Variants in PCDHA12 observed in about 807,000 individuals in gnomAD.
The protein encoded by PCDHA12 is protocadherin alpha 12.
Under a neutral mutation model 60.0 loss-of-function variants are expected in PCDHA12, and 44 were observed. That is an observed-to-expected ratio of 0.73 (90% CI 0.58 to 0.94). The LOEUF (loss-of-function observed/expected upper bound fraction) is 0.94. Ranked by LOEUF, PCDHA12 falls within the 40% of genes least tolerant of loss-of-function variation. The pLI, the probability that PCDHA12 is intolerant of heterozygous loss-of-function variation, is 0.00. For synonymous variants in PCDHA12, 569 were observed against 553.0 expected, an observed-to-expected ratio of 1.03 and a Z score of -0.40; for missense variants, 1,276 against 1,239.7, an observed-to-expected ratio of 1.03 and a Z score of -0.44.
chr5:140,960,541 C>T (rs1200507322), intron 1 of PCDHA12, among the ~76,000 whole-genome samples: 1 of 151,924 alleles, frequency 6.6e-6, no homozygotes, highest in Non-Finnish European at 1.5e-5. Context: ...GAAACTGTGG[C>T]CTTCATATAG....
chr5:140,945,526 A>T (rs1466059696), intron 1 of PCDHA12, among the ~76,000 whole-genome samples: 2 of 152,130 alleles, frequency 1.3e-5, no homozygotes, highest in African/African-American at 4.8e-5. Context: ...AATAAATAAA[A>T]CAAAACATAC....
At chr5:140,903,567 G>T (rs1554191019) in intron 1 of PCDHA12, among the ~76,000 whole-genome samples, 1 of 152,170 alleles carries the variant, frequency 6.6e-6, no homozygotes, top group African/African-American at 2.4e-5. Flanking sequence ...GTGGAATTGG[G>T]AGCTGTCTAG....
chr5:140,973,486 C>G (rs1404281642), intron 1 of PCDHA12, among the ~76,000 whole-genome samples: 1 of 152,162 alleles, frequency 6.6e-6, no homozygotes, highest in African/African-American at 2.4e-5. Context: ...ATATTGGTCA[C>G]AGGACTCTTC....
rs548886698 is a variant in PCDHA12 at position 140,887,948 on chromosome 5, T to A, written c.2367+10109T>A. 7.1e-4 allele frequency among the ~76,000 whole-genome samples: 108 copies of A among 152,348 alleles called. 2 individuals carry two copies. Among genetic ancestry groups the A allele is most frequent in the Admixed American group, 7.0e-3 (107 of 15,298 alleles). On this transcript the variant is annotated intron_variant, in intron 1 of 3. Transcript: ENST00000398631. ...AGACCATATTTATTTCTTATCTGTA[T>A]AAGATTCTTTTTGTCTCTTTTAAAA... is the stretch of plus-strand genomic sequence containing the variant.
chr5:140,883,242 A>C (rs1562785855), intron 1 of PCDHA12: 2 of 1,614,066 alleles, frequency 1.2e-6, no homozygotes, highest in Non-Finnish European at 1.7e-6. Context: ...GCAGTTGACA[A>C]AGGAAATATT....
At chr5:140,941,214 C>CTTCCTTTCTTTCTTTCTTTCTTT (rs1554214039) in intron 1 of PCDHA12, among the ~76,000 whole-genome samples, 1 of 122,414 alleles carries the variant, frequency 8.2e-6, no homozygotes. Flanking sequence ...TTTCTTTCTT[C>CTTCCTTTCTTTCTTTCTTTCTTT]CTTTCTTTCT....
At chr5:140,996,695 A>G (rs1207094122) in intron 3 of PCDHA12, among the ~76,000 whole-genome samples, 1 of 152,088 alleles carries the variant, frequency 6.6e-6, no homozygotes, top group East Asian at 1.9e-4. Context: ...ATTCTTCTGA[A>G]CCTCTATCTC....
At chr5:141,005,228 C>G (rs974482410) in intron 3 of PCDHA12, among the ~76,000 whole-genome samples, 11 of 152,182 alleles carry the variant, frequency 7.2e-5, no homozygotes, top group Admixed American at 2.0e-4. Flanking sequence ...TACTAAACAC[C>G]TGTTATGGGC....
At chr5:140,885,016 T>C (rs1554181958) in intron 1 of PCDHA12, among the ~76,000 whole-genome samples, 1 of 152,244 alleles carries the variant, frequency 6.6e-6, no homozygotes. Flanking sequence ...CTAATCGTAA[T>C]CTTAAATTTA....
intron 1 of PCDHA12, among the ~76,000 whole-genome samples, chr5:140,958,318 CA>C (rs2095417948): frequency 6.6e-6 from 1 of 151,816 alleles, no homozygotes; most frequent in Non-Finnish European, 1.5e-5. Flanking sequence ...AATTAGAGCT[CA>C]AAAAATAAAT....
intron 1 of PCDHA12, among the ~76,000 whole-genome samples, chr5:140,955,464 T>C (rs563782102): frequency 2.0e-5 from 3 of 152,218 alleles, no homozygotes; most frequent in South Asian, 2.1e-4. Context: ...TTTTTCCTTT[T>C]TGCTTGGCAC....
chr5:140,939,018 T>G (rs1554212547), intron 1 of PCDHA12, among the ~76,000 whole-genome samples: 1 of 152,228 alleles, frequency 6.6e-6, no homozygotes, highest in Non-Finnish European at 1.5e-5. Context: ...TTACTTTTCT[T>G]TTACTTATTC....
intron 1 of PCDHA12, among the ~76,000 whole-genome samples, chr5:140,926,209 T>C (rs553307318): frequency 1.8e-3 from 269 of 152,150 alleles, no homozygotes; most frequent in African/African-American, 6.3e-3. Flanking sequence ...GGGGGGCTCC[T>C]GTTTCCTTAA....
intron 1 of PCDHA12, among the ~76,000 whole-genome samples, chr5:140,941,213 TCC>T (rs1491191685): frequency 2.4e-4 from 26 of 106,900 alleles, no homozygotes; most frequent in African/African-American, 9.0e-4. Context: ...CTTTCTTTCT[TCC>T]TTTCTTTCTT....
At chr5:140,918,237 T>C (rs2078587640) in intron 1 of PCDHA12, among the ~76,000 whole-genome samples, 2 of 152,240 alleles carry the variant, frequency 1.3e-5, no homozygotes, top group Admixed American at 1.3e-4. Context: ...TGTACATTGA[T>C]TTTGTATGCT....
intron 1 of PCDHA12, among the ~76,000 whole-genome samples, chr5:140,913,425 G>A (rs919355007): frequency 1.1e-4 from 16 of 152,094 alleles, no homozygotes; most frequent in African/African-American, 1.2e-4. Context: ...AGTATCAGTT[G>A]TAATGCCTCC....
rs549701659 is a variant in PCDHA12 at position 140,937,333 on chromosome 5, G to C, written c.2368-41616G>C. On this transcript the variant is annotated intron_variant, in intron 1 of 3. Transcript: ENST00000398631. ...ATTACAGGCGTGAGCCACCGCGCCCGGCTTCTTCCATTTATTTTATTATTT... is the reference window on the plus strand; with the variant it reads ...ATTACAGGCGTGAGCCACCGCGCCCCGCTTCTTCCATTTATTTTATTATTT... Among the ~76,000 whole-genome samples the C allele has an allele frequency of 2.8e-3, 423 of 151,952 alleles. 2 individuals carry two copies. Among genetic ancestry groups the C allele is most frequent in the Middle Eastern group, 0.014 (4 of 294 alleles).
intron 1 of PCDHA12, chr5:140,967,224 A>G (rs2096116008): frequency 6.2e-7 from 1 of 1,613,708 alleles, no homozygotes; most frequent in Non-Finnish European, 8.5e-7. Flanking sequence ...CGGCCCAACT[A>G]CCAGCTTCAG....
At chr5:140,970,252 T>A (rs2096392828) in intron 1 of PCDHA12, among the ~76,000 whole-genome samples, 1 of 152,234 alleles carries the variant, frequency 6.6e-6, no homozygotes, top group Non-Finnish European at 1.5e-5. Context: ...GTTGACAGTT[T>A]CTATGGTTTT....
Sources: gnomAD v4.1 joint callset for allele counts (sites outside exome capture counted in the v4.1 genomes callset) on GRCh38, gnomAD v4.1.1 for gene constraint, MANE v1.5 for transcripts, NCBI Gene and HGNC (gene_info 2026-07-23, HGNC 2026-07-21) for gene names.